SPMIP11: variants seen among roughly 807,000 people sequenced by gnomAD.
SPMIP11 encodes long intergenic non-protein coding RNA 935.
the SPMIP11 span, among the ~76,000 whole-genome samples, chr12:48,739,084 C>T: frequency 3.3e-5 from 5 of 152,060 alleles, no homozygotes; most frequent in East Asian, 9.7e-4. Flanking sequence ...AAATTCTCTT[C>T]TTTTCCTTGC....
the SPMIP11 span, among the ~76,000 whole-genome samples, chr12:48,762,872 A>G: frequency 6.6e-6 from 1 of 152,066 alleles, no homozygotes; most frequent in Admixed American, 6.6e-5. Flanking sequence ...ATTGTGGGGA[A>G]GAGTAAAAGG....
At chr12:48,759,090 T>C in the SPMIP11 span, 32 of 608,662 alleles carry the variant, frequency 5.3e-5, no homozygotes, top group Admixed American at 7.6e-5. Flanking sequence ...GTCCTGAAAA[T>C]TGGATGTGAG....
At chr12:48,743,104 A>G in the SPMIP11 span, among the ~76,000 whole-genome samples, 1 of 151,820 alleles carries the variant, frequency 6.6e-6, no homozygotes, top group Non-Finnish European at 1.5e-5. Flanking sequence ...TCTACTAAAA[A>G]TACAAAAATA....
chr12:48,770,679 A>T, the SPMIP11 span: 3 of 1,370,662 alleles, frequency 2.2e-6, no homozygotes, highest in South Asian at 3.7e-5. Flanking sequence ...CCTGATGGGA[A>T]ATCTGTGATC....
the SPMIP11 span, among the ~76,000 whole-genome samples, chr12:48,738,173 G>T: frequency 6.6e-6 from 1 of 152,030 alleles, no homozygotes; most frequent in East Asian, 1.9e-4. Flanking sequence ...TCTTTGGAAG[G>T]CTTCCTTAAT....
the SPMIP11 span, among the ~76,000 whole-genome samples, chr12:48,762,880 AG>A: frequency 6.6e-6 from 1 of 152,022 alleles, no homozygotes; most frequent in East Asian, 1.9e-4. Context: ...GAAGAGTAAA[AG>A]GTACACATGA....
chr12:48,750,204 T>A, the SPMIP11 span, among the ~76,000 whole-genome samples: 1 of 152,120 alleles, frequency 6.6e-6, no homozygotes, highest in East Asian at 1.9e-4. Context: ...ATCAAAAAAA[T>A]TGGCTGGGCA....
At chr12:48,739,997 C>T in the SPMIP11 span, among the ~76,000 whole-genome samples, 3 of 152,088 alleles carry the variant, frequency 2.0e-5, no homozygotes, top group African/African-American at 2.4e-5. Flanking sequence ...TTTGCATTTT[C>T]CAAAAGATAT....
chr12:48,763,656 CTT>C, the SPMIP11 span, among the ~76,000 whole-genome samples: 1 of 150,408 alleles, frequency 6.6e-6, no homozygotes, highest in Non-Finnish European at 1.5e-5. Context: ...TAGAATTAGA[CTT>C]ATCCAAATAA....
the SPMIP11 span, among the ~76,000 whole-genome samples, chr12:48,751,702 C>A: frequency 2.0e-5 from 3 of 152,238 alleles, no homozygotes; most frequent in East Asian, 3.9e-4. Flanking sequence ...GTTTCCTCAC[C>A]TATAAATGGA....
chr12:48,765,858 G>A, the SPMIP11 span: 2 of 561,788 alleles, frequency 3.6e-6, no homozygotes, highest in African/African-American at 3.8e-5. Flanking sequence ...AGATTGTTGT[G>A]AGAGCTGCTG....
At chr12:48,757,313 C>T in the SPMIP11 span, among the ~76,000 whole-genome samples, 4 of 151,960 alleles carry the variant, frequency 2.6e-5, no homozygotes, top group African/African-American at 4.8e-5. Flanking sequence ...GTCTGAGATG[C>T]AAGCCAAATC....
At chr12:48,729,539 A>T in the SPMIP11 span, among the ~76,000 whole-genome samples, 1 of 151,368 alleles carries the variant, frequency 6.6e-6, no homozygotes, top group African/African-American at 2.4e-5. Flanking sequence ...ATCTCAAAAA[A>T]AAAATAAAAT....
chr12:48,731,605 G>T, the SPMIP11 span, among the ~76,000 whole-genome samples: 1 of 152,108 alleles, frequency 6.6e-6, no homozygotes, highest in Non-Finnish European at 1.5e-5. Context: ...CTTAACTACT[G>T]TATAGAGTCA....
chr12:48,748,236 C>T, the SPMIP11 span, among the ~76,000 whole-genome samples: 1 of 152,094 alleles, frequency 6.6e-6, no homozygotes, highest in African/African-American at 2.4e-5. Flanking sequence ...GAGCCCATCC[C>T]TTCTCATCTA....
chr12:48,764,322 ATAT>A, the SPMIP11 span, among the ~76,000 whole-genome samples: 1 of 152,168 alleles, frequency 6.6e-6, no homozygotes, highest in Non-Finnish European at 1.5e-5. Flanking sequence ...TCAAAGTCTG[ATAT>A]TATTACAAAA....
the SPMIP11 span, among the ~76,000 whole-genome samples, chr12:48,762,047 CTTTTTT>C: frequency 3.8e-5 from 3 of 78,178 alleles, no homozygotes; most frequent in Non-Finnish European, 4.4e-5. Flanking sequence ...TTATAACATT[CTTTTTT>C]TTTTTTTTTT....
the SPMIP11 span, chr12:48,771,083 A>T: frequency 9.4e-7 from 1 of 1,059,218 alleles, no homozygotes; most frequent in Non-Finnish European, 1.4e-6. This position sits in a 1 kb window ranked among gnomAD's most constrained non-coding sequence, Gnocchi z 4.3. Flanking sequence ...CTGTCTCAAG[A>T]GCCCCCTTCC....
At chr12:48,760,987 G>C in the SPMIP11 span, among the ~76,000 whole-genome samples, 2 of 152,182 alleles carry the variant, frequency 1.3e-5, no homozygotes, top group Non-Finnish European at 2.9e-5. Context: ...ATTGAACTGG[G>C]TTTAAACTGC....
Sources: gnomAD v4.1 joint callset for allele counts (sites outside exome capture counted in the v4.1 genomes callset) on GRCh38, gnomAD v4.1.1 for gene constraint, Gnocchi (gnomAD v3.1) non-coding constraint, MANE v1.5 for transcripts, NCBI Gene and HGNC (gene_info 2026-07-23, HGNC 2026-07-21) for gene names.